Variants in DPP6 observed in about 807,000 individuals in gnomAD.
DPP6 encodes the protein dipeptidyl peptidase like 6.
Under a neutral mutation model 122.6 loss-of-function variants are expected in DPP6, and 69 were observed. The observed-to-expected ratio is 0.56, with a 90% CI of 0.46 to 0.69. The LOEUF (loss-of-function observed/expected upper bound fraction) is 0.69, where lower values mean the gene tolerates loss of function less well. Among genes scored for constraint, DPP6 ranks in the 30% least tolerant of loss-of-function variants. DPP6 has a pLI of 0.00. For synonymous variants in DPP6, 418 were observed against 433.1 expected (o/e 0.97, Z 0.43); for missense variants, 928 against 1,116.9 (o/e 0.83, Z 2.41).
At chr7:154,131,552 G>A (rs1198305077) in intron 1 of DPP6, among the ~76,000 whole-genome samples, 3 of 152,272 alleles carry the variant, frequency 2.0e-5, no homozygotes, top group African/African-American at 7.2e-5. Flanking sequence ...CCACTGCTCT[G>A]TAATTACAAT....
At chr7:154,677,405 C>T (rs1164145931) in intron 7 of DPP6, among the ~76,000 whole-genome samples, 2 of 152,018 alleles carry the variant, frequency 1.3e-5, no homozygotes, top group African/African-American at 2.4e-5. Context: ...TTTTTGCACT[C>T]GTGCTGACTT....
At chr7:154,056,150 G>C (rs561020637) in intron 1 of DPP6, among the ~76,000 whole-genome samples, 2 of 152,200 alleles carry the variant, frequency 1.3e-5, no homozygotes, top group African/African-American at 4.8e-5. Flanking sequence ...CTTCCCAACT[G>C]TGTGGCTCCA....
intron 1 of DPP6, among the ~76,000 whole-genome samples, chr7:154,373,939 T>C (rs1445361656): frequency 6.6e-6 from 1 of 152,230 alleles, no homozygotes. Context: ...GGTTCATCCA[T>C]AGGTTCATCC....
intron 6 of DPP6, among the ~76,000 whole-genome samples, chr7:154,652,403 TG>T (rs1324553875): frequency 1.3e-4 from 5 of 37,322 alleles, no homozygotes; most frequent in Non-Finnish European, 2.5e-4. Context: ...ACTAAGTCTG[TG>T]GTTTTTTTTT....
intron 1 of DPP6, among the ~76,000 whole-genome samples, chr7:153,994,608 A>T (rs1797340815): frequency 6.6e-6 from 1 of 152,178 alleles, no homozygotes; most frequent in Admixed American, 6.5e-5. Flanking sequence ...TGCCAGAAAG[A>T]AGTTGCTCAT....
At chr7:154,265,092 T>C (rs11761999) in intron 1 of DPP6, among the ~76,000 whole-genome samples, 89,574 of 93,010 alleles carry the variant, frequency 0.96, 43,206 homozygotes, top group Middle Eastern at 0.98. Context: ...ATGGTGATGA[T>C]GATGGTGATG....
chr7:153,976,176 A>T (rs961619006), intron 1 of DPP6, among the ~76,000 whole-genome samples: 1 of 152,148 alleles, frequency 6.6e-6, no homozygotes, highest in African/African-American at 2.4e-5. Context: ...GCAAACCTGT[A>T]ATAAAAGAAG....
chr7:154,160,800 G>A (rs537340382), intron 1 of DPP6, among the ~76,000 whole-genome samples: 15 of 152,126 alleles, frequency 9.9e-5, no homozygotes, highest in Non-Finnish European at 2.2e-4. Context: ...AACCTACCTC[G>A]TTCTGTCACC....
intron 1 of DPP6, among the ~76,000 whole-genome samples, chr7:154,411,654 G>A (rs771758449): frequency 1.3e-5 from 2 of 152,062 alleles, no homozygotes; most frequent in Non-Finnish European, 2.9e-5. Context: ...AGAGTCAACT[G>A]TATACATGAA....
intron 1 of DPP6, among the ~76,000 whole-genome samples, chr7:154,204,735 T>G (rs1269892786): frequency 6.6e-6 from 1 of 152,124 alleles, no homozygotes; most frequent in Non-Finnish European, 1.5e-5. Flanking sequence ...GAGCTCATAC[T>G]TTGGAAGCAG....
intron 1 of DPP6, among the ~76,000 whole-genome samples, chr7:154,242,544 A>G (rs564078154): frequency 2.6e-5 from 4 of 152,322 alleles, no homozygotes; most frequent in African/African-American, 9.6e-5. Context: ...TGCATGACAA[A>G]TGTTTTAAGG....
intron 1 of DPP6, among the ~76,000 whole-genome samples, chr7:154,349,859 T>C (rs1810704020): frequency 6.6e-6 from 1 of 152,176 alleles, no homozygotes; most frequent in African/African-American, 2.4e-5. Flanking sequence ...TTTTAGTCAG[T>C]TATTCTAGAA....
At chr7:153,973,201 T>G (rs1738813020) in intron 1 of DPP6, among the ~76,000 whole-genome samples, 1 of 152,212 alleles carries the variant, frequency 6.6e-6, no homozygotes, top group Non-Finnish European at 1.5e-5. Context: ...TGTTGGTATT[T>G]TATTTAAGCA....
chr7:154,001,839 C>G (rs1797705632), intron 1 of DPP6, among the ~76,000 whole-genome samples: 1 of 151,992 alleles, frequency 6.6e-6, no homozygotes, highest in Non-Finnish European at 1.5e-5. Flanking sequence ...CTTGTGTTCC[C>G]CTAGTGGAGT....
At chr7:154,239,054 G>A (rs533030798) in intron 1 of DPP6, among the ~76,000 whole-genome samples, 1 of 152,232 alleles carries the variant, frequency 6.6e-6, no homozygotes, top group Non-Finnish European at 1.5e-5. Flanking sequence ...TAAAGGAAAT[G>A]CATGTGGAGG....
chr7:154,370,934 G>T (rs1812598675), intron 1 of DPP6, among the ~76,000 whole-genome samples: 1 of 152,194 alleles, frequency 6.6e-6, no homozygotes, highest in South Asian at 2.1e-4. Flanking sequence ...CACACTCGAA[G>T]CATGCAGAGG....
intron 7 of DPP6, among the ~76,000 whole-genome samples, chr7:154,702,623 T>G (rs1031885557): frequency 6.6e-6 from 1 of 152,176 alleles, no homozygotes; most frequent in African/African-American, 2.4e-5. Context: ...CTCTCTTCAA[T>G]TCTGTGAAGG....
intron 7 of DPP6, among the ~76,000 whole-genome samples, chr7:154,708,113 A>C (rs1295343605): frequency 6.6e-6 from 1 of 152,246 alleles, no homozygotes; most frequent in Non-Finnish European, 1.5e-5. Context: ...TGTGTTCCTG[A>C]AATAGAGCAT....
the DPP6 span, among the ~76,000 whole-genome samples, chr7:153,787,151 C>T: frequency 3.0e-5 from 4 of 133,876 alleles, no homozygotes; most frequent in South Asian, 2.8e-4. Flanking sequence ...GGGGTTTCAC[C>T]GTGTTAGCCA....
Sources: allele counts gnomAD v4.1 joint callset (sites outside exome capture counted in the v4.1 genomes callset), GRCh38; gene constraint gnomAD v4.1.1; transcripts MANE v1.5; gene names NCBI Gene and HGNC (gene_info 2026-07-23, HGNC 2026-07-21).